The following TPRG1 variants were observed in gnomAD, a reference collection of about 807,000 sequenced individuals.
The protein encoded by TPRG1 is tumor protein p63-regulated gene 1 protein.
In TPRG1, 29 loss-of-function variants were observed where a neutral mutation model predicts 29.3. That is an observed-to-expected ratio of 0.99 (90% CI 0.74 to 1.35). TPRG1 has a LOEUF of 1.35. Ranked by LOEUF, TPRG1 falls within the 40% of genes most tolerant of loss-of-function variation. The pLI, the probability that TPRG1 is intolerant of heterozygous loss-of-function variation, is 0.00. For missense variants in TPRG1, 327 were observed against 335.0 expected, an observed-to-expected ratio of 0.98 and a Z score of 0.19; for synonymous variants, 130 against 116.8, an observed-to-expected ratio of 1.11 and a Z score of -0.73.
At chr3:189,182,694 C>T (rs9840185) in intron 1 of TPRG1, among the ~76,000 whole-genome samples, 8,771 of 151,838 alleles carry the variant, frequency 0.058, 630 homozygotes, top group African/African-American at 0.17. Context: ...TATAAAAGTA[C>T]GTAAAAAGGG....
intron 1 of TPRG1, among the ~76,000 whole-genome samples, chr3:189,195,594 G>C (rs561264490): frequency 2.6e-5 from 4 of 152,302 alleles, no homozygotes; most frequent in African/African-American, 9.6e-5. Context: ...GCCACAGGGG[G>C]CAGGGCACAG....
At chr3:189,282,834 G>C (rs992766607) in intron 4 of TPRG1, among the ~76,000 whole-genome samples, 1 of 152,176 alleles carries the variant, frequency 6.6e-6, no homozygotes, top group Non-Finnish European at 1.5e-5. Context: ...ATGTGGAAGG[G>C]GGGATGGGAA....
At chr3:189,045,265 T>C (rs911365579) in intron 4 of TPRG1, among the ~76,000 whole-genome samples, 1 of 152,230 alleles carries the variant, frequency 6.6e-6, no homozygotes, top group Non-Finnish European at 1.5e-5. Flanking sequence ...TGAGTAACAC[T>C]CTATTGCAAA....
chr3:189,316,959 C>G (rs150473515), intron 5 of TPRG1, among the ~76,000 whole-genome samples: 1 of 152,128 alleles, frequency 6.6e-6, no homozygotes, highest in Non-Finnish European at 1.5e-5. Flanking sequence ...CTGCTTGTCT[C>G]TCTGTAACCA....
At chr3:189,073,408 G>A (rs981014807) in intron 4 of TPRG1, among the ~76,000 whole-genome samples, 1 of 152,164 alleles carries the variant, frequency 6.6e-6, no homozygotes, top group Non-Finnish European at 1.5e-5. Flanking sequence ...AATCAATTAC[G>A]AGTATTCAAG....
At chr3:189,081,067 G>A (rs1717560894) in intron 4 of TPRG1, among the ~76,000 whole-genome samples, 1 of 152,112 alleles carries the variant, frequency 6.6e-6, no homozygotes, top group African/African-American at 2.4e-5. Context: ...TAAAAATGAT[G>A]TCATTTATTT....
chr3:189,281,881 T>A (rs1230241356), intron 4 of TPRG1, among the ~76,000 whole-genome samples: 1 of 152,106 alleles, frequency 6.6e-6, no homozygotes, highest in Non-Finnish European at 1.5e-5. Flanking sequence ...GATTTTATTT[T>A]TATTTTTTAT....
At chr3:189,015,380 G>A (rs1336020934) in intron 3 of TPRG1, among the ~76,000 whole-genome samples, 5 of 152,170 alleles carry the variant, frequency 3.3e-5, no homozygotes, top group African/African-American at 1.2e-4. Context: ...TGTTTAAAAG[G>A]TAAACAGAGC....
chr3:189,130,719 G>A (rs1371549983), intron 2 of TPRG1, among the ~76,000 whole-genome samples: 3 of 152,184 alleles, frequency 2.0e-5, no homozygotes, highest in Non-Finnish European at 4.4e-5. Context: ...ATAATGTGAT[G>A]TGAAGAGTAC....
chr3:189,040,819 A>G (rs1189624620), intron 4 of TPRG1, among the ~76,000 whole-genome samples: 1 of 152,140 alleles, frequency 6.6e-6, no homozygotes, highest in East Asian at 1.9e-4. Context: ...GGACTGAGCC[A>G]CGAGATGAGT....
chr3:189,057,861 C>CATATATACACATAT (rs1415667629), intron 4 of TPRG1, among the ~76,000 whole-genome samples: 1 of 108,488 alleles, frequency 9.2e-6, no homozygotes, highest in Admixed American at 8.6e-5. Context: ...TATATACACA[C>CATATATACACATAT]ATACGTATGT....
Position 189,320,809 on chromosome 3 carries a change from A to G in TPRG1, c.817A>G (p.Ile273Val), listed in dbSNP as rs1028524065. 2 of 1,586,602 alleles carry G rather than the reference A, an allele frequency of 1.3e-6. No homozygotes were observed. Residue 273 changes from isoleucine to valine, a missense_variant, in exon 6 of 6, where the codon ATT becomes GTT. Transcript: ENST00000345063. ...TGGCTATTCCCTTGCCCGTGGGAGT[A>G]TTGGTTTTTGAGAGTCTTTTTGGTA... ...KLGYSLARGSIGF is the reference protein window; with the variant it reads ...KLGYSLARGSVGF
exon 5 of TPRG1, chr3:189,150,760 T>G (rs1725842467): frequency 6.6e-6 from 1 of 152,206 alleles, no homozygotes; most frequent in Admixed American, 6.5e-5. Flanking sequence ...TGAATAAAAA[T>G]GAGCGAGGTG....
chr3:189,207,727 G>A, intron 2 of TPRG1, 133 bp downstream of exon 2: 1 of 818,042 alleles, frequency 1.2e-6, no homozygotes, highest in Non-Finnish European at 1.9e-6. Context: ...TCATGAAGTA[G>A]CTATCCTTAT....
intron 4 of TPRG1, among the ~76,000 whole-genome samples, chr3:189,253,909 GTGTC>G (rs1742663915): frequency 6.6e-6 from 1 of 152,164 alleles, no homozygotes. Flanking sequence ...CTTTTGAAAA[GTGTC>G]TGTTTACATC....
At chr3:189,297,318 A>G (rs1720110757) in intron 4 of TPRG1, among the ~76,000 whole-genome samples, 2 of 152,110 alleles carry the variant, frequency 1.3e-5, no homozygotes, top group African/African-American at 4.8e-5. Flanking sequence ...CCTGTCTTGC[A>G]ATCAGGTAAA....
chr3:189,149,611 T>A (rs1183829517), intron 4 of TPRG1, among the ~76,000 whole-genome samples: 2 of 152,226 alleles, frequency 1.3e-5, no homozygotes, highest in Non-Finnish European at 2.9e-5. Context: ...AGAACAACAC[T>A]TCTAGAGGCA....
chr3:189,220,241 T>G (rs1037313441), intron 3 of TPRG1, among the ~76,000 whole-genome samples: 2 of 151,768 alleles, frequency 1.3e-5, no homozygotes, highest in Admixed American at 1.3e-4. Context: ...ATTAGATGTT[T>G]ACTATTCTTG....
chr3:189,037,432 T>A (rs1714341872), intron 4 of TPRG1, among the ~76,000 whole-genome samples: 1 of 151,934 alleles, frequency 6.6e-6, no homozygotes, highest in Non-Finnish European at 1.5e-5. Context: ...AAATAAAATG[T>A]AATTTCTGTT....
Sources: gnomAD v4.1 joint callset for allele counts (sites outside exome capture counted in the v4.1 genomes callset) on GRCh38, gnomAD v4.1.1 for gene constraint, MANE v1.5 for transcripts, NCBI Gene and HGNC (gene_info 2026-07-23, HGNC 2026-07-21) for gene names.